Variants in KIAA1217 observed in about 807,000 individuals in gnomAD.
The protein encoded by KIAA1217 is sickle tail protein homolog.
KIAA1217 carries 88 observed loss-of-function variants against 163.9 expected under a neutral mutation model. The observed-to-expected ratio is 0.54, with a 90% CI of 0.45 to 0.64. The LOEUF is 0.64. Among genes scored for constraint, KIAA1217 ranks in the 30% least tolerant of loss-of-function variants. The probability of loss-of-function intolerance (pLI) is 0.00; values close to 1 mark genes in which losing one functional copy is unlikely to be tolerated. For missense variants in KIAA1217, 2,372 were observed against 2,475.0 expected (o/e 0.96, Z 0.88); for synonymous variants, 903 against 923.1 (o/e 0.98, Z 0.39).
chr10:24,302,804 G>A (rs1392870928), intron 2 of KIAA1217, among the ~76,000 whole-genome samples: 3 of 152,152 alleles, frequency 2.0e-5, no homozygotes, highest in African/African-American at 7.2e-5. Context: ...GTGGCCATGT[G>A]GATATCTGTC....
At chr10:23,699,063 T>C (rs1836235992) in intron 1 of KIAA1217, among the ~76,000 whole-genome samples, 1 of 152,146 alleles carries the variant, frequency 6.6e-6, no homozygotes, top group Non-Finnish European at 1.5e-5. Flanking sequence ...TCTCTCATTC[T>C]CTCTGGCTCA....
intron 2 of KIAA1217, among the ~76,000 whole-genome samples, chr10:24,165,810 A>G (rs1350468241): frequency 2.6e-5 from 4 of 152,234 alleles, no homozygotes; most frequent in Non-Finnish European, 5.9e-5. Context: ...CAAACTATCC[A>G]ATCTCCTAAC....
At chr10:24,375,008 A>G (rs1009788565) in intron 2 of KIAA1217, among the ~76,000 whole-genome samples, 1 of 151,552 alleles carries the variant, frequency 6.6e-6, no homozygotes, top group Non-Finnish European at 1.5e-5. Flanking sequence ...CTGGTCTTGA[A>G]CTCCTGGGCT....
chr10:24,297,532 C>T (rs1009666138), intron 2 of KIAA1217, among the ~76,000 whole-genome samples: 13 of 152,138 alleles, frequency 8.5e-5, no homozygotes, highest in Admixed American at 7.9e-4. Flanking sequence ...AGGCGGATCA[C>T]CTGAGGTCAG....
intron 9 of KIAA1217, among the ~76,000 whole-genome samples, chr10:24,501,990 C>A (rs1020093138): frequency 1.3e-5 from 2 of 151,964 alleles, no homozygotes; most frequent in Non-Finnish European, 2.9e-5. Context: ...ACCTCGTGAT[C>A]CACCTGCCTC....
chr10:23,735,112 G>C (rs1838720927), intron 1 of KIAA1217, among the ~76,000 whole-genome samples: 1 of 152,056 alleles, frequency 6.6e-6, no homozygotes, highest in Non-Finnish European at 1.5e-5. Context: ...ATAGGTGTCT[G>C]TGTCTACAAA....
chr10:24,051,224 C>G (rs562445235), intron 2 of KIAA1217, among the ~76,000 whole-genome samples: 1 of 152,292 alleles, frequency 6.6e-6, no homozygotes, highest in South Asian at 2.1e-4. Context: ...GTCTCCAACT[C>G]CATCCAGGTT....
intron 2 of KIAA1217, among the ~76,000 whole-genome samples, chr10:24,299,580 T>G (rs1042484906): frequency 2.0e-5 from 3 of 152,092 alleles, no homozygotes; most frequent in African/African-American, 7.2e-5. Flanking sequence ...TTAATTTTTT[T>G]GTAGAGACAG....
intron 2 of KIAA1217, among the ~76,000 whole-genome samples, chr10:24,354,551 C>G (rs1206139341): frequency 1.3e-5 from 2 of 152,202 alleles, no homozygotes; most frequent in Non-Finnish European, 2.9e-5. Flanking sequence ...CAGGAAGAAT[C>G]AGGTCACACA....
At chr10:24,095,627 CTT>C (rs1256510680) in intron 2 of KIAA1217, among the ~76,000 whole-genome samples, 1 of 152,152 alleles carries the variant, frequency 6.6e-6, no homozygotes. Flanking sequence ...GCCACTCTCT[CTT>C]CTCTCTCTAC....
At chr10:24,060,896 T>C (rs1390647208) in intron 2 of KIAA1217, among the ~76,000 whole-genome samples, 2 of 152,224 alleles carry the variant, frequency 1.3e-5, no homozygotes, top group Non-Finnish European at 2.9e-5. Flanking sequence ...ATTTTATTTG[T>C]ACTAGAGAAG....
chr10:24,046,241 C>T (rs796905784), intron 2 of KIAA1217, among the ~76,000 whole-genome samples: 24 of 152,110 alleles, frequency 1.6e-4, no homozygotes, highest in East Asian at 7.7e-4. Flanking sequence ...ATGATGATGA[C>T]GATGACGATG....
At chr10:24,034,474 G>T (rs1031194141) in intron 2 of KIAA1217, among the ~76,000 whole-genome samples, 2 of 150,260 alleles carry the variant, frequency 1.3e-5, no homozygotes, top group African/African-American at 2.4e-5. Context: ...GAGGTGGGAG[G>T]ATCACCTGAG....
intron 2 of KIAA1217, among the ~76,000 whole-genome samples, chr10:24,067,561 A>G (rs1334776859): frequency 2.0e-5 from 3 of 152,036 alleles, no homozygotes; most frequent in African/African-American, 7.2e-5. Context: ...CTACTGGGGG[A>G]TGCCTCCCAG....
chr10:24,328,803 C>A (rs917424552), intron 2 of KIAA1217, among the ~76,000 whole-genome samples: 1 of 151,794 alleles, frequency 6.6e-6, no homozygotes, highest in African/African-American at 2.4e-5. Context: ...GAACACCATA[C>A]CTACTACCAT....
intron 6 of KIAA1217, among the ~76,000 whole-genome samples, chr10:24,474,755 G>C (rs571119201): frequency 3.3e-5 from 5 of 152,244 alleles, no homozygotes; most frequent in African/African-American, 1.2e-4. Context: ...ACCTTCCAAA[G>C]TTCATATAGT....
At chr10:24,099,112 C>T (rs952922742) in intron 2 of KIAA1217, among the ~76,000 whole-genome samples, 11 of 152,164 alleles carry the variant, frequency 7.2e-5, no homozygotes, top group South Asian at 2.1e-4. Context: ...ATCCATTTCC[C>T]GGCTCCCAGG....
chr10:24,068,231 C>T (rs952290011), intron 2 of KIAA1217, among the ~76,000 whole-genome samples: 2 of 152,216 alleles, frequency 1.3e-5, no homozygotes, highest in South Asian at 2.1e-4. Context: ...TCTTCTGCGT[C>T]GCTCACACTG....
At chr10:24,158,103 G>A (rs776643712) in intron 2 of KIAA1217, 46 of 755,066 alleles carry the variant, frequency 6.1e-5, no homozygotes, top group Non-Finnish European at 9.7e-5. Context: ...CCACAAGTTA[G>A]AAGTATATAT....
Sources: gnomAD v4.1 joint callset for allele counts (sites outside exome capture counted in the v4.1 genomes callset) on GRCh38, gnomAD v4.1.1 for gene constraint, MANE v1.5 for transcripts, NCBI Gene and HGNC (gene_info 2026-07-23, HGNC 2026-07-21) for gene names.